GALNTL6: variants seen among roughly 807,000 people sequenced by gnomAD.
The protein encoded by GALNTL6 is polypeptide N-acetylgalactosaminyltransferase-like 6.
A neutral mutation model predicts 73.7 loss-of-function variants in GALNTL6; 46 were observed. That is an observed-to-expected ratio of 0.62 (90% CI 0.49 to 0.80). The LOEUF (loss-of-function observed/expected upper bound fraction) is 0.80. Ranked by LOEUF, GALNTL6 falls within the 30% of genes least tolerant of loss-of-function variation. The pLI is 0.00. For missense variants in GALNTL6, 604 were observed against 755.0 expected (o/e 0.80, Z 2.34); for synonymous variants, 259 against 263.7 (o/e 0.98, Z 0.17).
chr4:172,063,810 C>T (rs758717347), intron 2 of GALNTL6, among the ~76,000 whole-genome samples: 2 of 152,140 alleles, frequency 1.3e-5, no homozygotes, highest in Non-Finnish European at 2.9e-5. Context: ...TTTAACAAGA[C>T]ATTTTTTTAA....
At chr4:172,585,321 G>A (rs1017972279) in intron 5 of GALNTL6, among the ~76,000 whole-genome samples, 11 of 152,118 alleles carry the variant, frequency 7.2e-5, no homozygotes, top group African/African-American at 2.4e-4. Flanking sequence ...CATGTGCCAT[G>A]GTGGTTTGCT....
At chr4:172,155,509 A>G (rs1734227489) in intron 2 of GALNTL6, among the ~76,000 whole-genome samples, 1 of 152,252 alleles carries the variant, frequency 6.6e-6, no homozygotes, top group Non-Finnish European at 1.5e-5. Flanking sequence ...ATTTTGTTAT[A>G]GTAACTTGAA....
intron 5 of GALNTL6, among the ~76,000 whole-genome samples, chr4:172,513,750 C>T (rs1158993096): frequency 6.6e-6 from 1 of 152,160 alleles, no homozygotes; most frequent in African/African-American, 2.4e-5. Context: ...ACAAAGAGCC[C>T]CATGAGGTTA....
chr4:172,168,724 G>T (rs1343440543), intron 2 of GALNTL6, among the ~76,000 whole-genome samples: 1 of 152,040 alleles, frequency 6.6e-6, no homozygotes, highest in Admixed American at 6.6e-5. Context: ...GATGGTGACG[G>T]TCAAGAAGAT....
chr4:172,178,013 G>A (rs1735102508), intron 2 of GALNTL6, among the ~76,000 whole-genome samples: 1 of 151,626 alleles, frequency 6.6e-6, no homozygotes, highest in Non-Finnish European at 1.5e-5. Context: ...ATAACTTGAG[G>A]CTGATTTTTT....
At chr4:172,784,857 C>G (rs890084311) in intron 5 of GALNTL6, among the ~76,000 whole-genome samples, 45 of 152,130 alleles carry the variant, frequency 3.0e-4, no homozygotes, top group African/African-American at 1.0e-3. Flanking sequence ...ATGCTAGATG[C>G]TACCCCTATG....
At chr4:172,048,384 AT>A (rs112942986) in intron 2 of GALNTL6, among the ~76,000 whole-genome samples, 5 of 152,290 alleles carry the variant, frequency 3.3e-5, no homozygotes, top group African/African-American at 1.2e-4. Flanking sequence ...TTTGGGTTAA[AT>A]TTTTGATACT....
intron 2 of GALNTL6, among the ~76,000 whole-genome samples, chr4:171,929,827 A>C (rs184457827): frequency 1.3e-5 from 2 of 152,334 alleles, no homozygotes; most frequent in Admixed American, 1.3e-4. Flanking sequence ...ACCCAGGCCA[A>C]CAGCGAATCC....
At chr4:172,519,333 G>A (rs1297595766) in intron 5 of GALNTL6, among the ~76,000 whole-genome samples, 1 of 150,348 alleles carries the variant, frequency 6.7e-6, no homozygotes, top group Non-Finnish European at 1.5e-5. Context: ...TTCTATTAAA[G>A]CAAAAAAGCA....
At chr4:172,088,034 C>T (rs1171879811) in intron 2 of GALNTL6, among the ~76,000 whole-genome samples, 3 of 152,088 alleles carry the variant, frequency 2.0e-5, no homozygotes, top group Non-Finnish European at 4.4e-5. Flanking sequence ...ATGTTCACTT[C>T]AGAACAAAGT....
chr4:172,373,557 G>A (rs568704161), intron 5 of GALNTL6, among the ~76,000 whole-genome samples: 2 of 152,282 alleles, frequency 1.3e-5, no homozygotes, highest in East Asian at 3.9e-4. Flanking sequence ...CCTTTGATAA[G>A]GAAAAGAGGT....
In GALNTL6 at chr4:172,068,257, C is replaced by T. The variant is rs1344667243; in HGVS notation, c.139-161399C>T. ...CTATCCGCACCCTAGCTCAAGCTACCTCTACTACTTCGTCTTCTCTAATAG... is the reference window on the plus strand; with the variant it reads ...CTATCCGCACCCTAGCTCAAGCTACTTCTACTACTTCGTCTTCTCTAATAG... On this transcript the variant is annotated intron_variant, in intron 2 of 12. Transcript: ENST00000506823. Among the ~76,000 whole-genome samples the T allele has an allele frequency of 2.8e-5, 3 of 108,996 alleles. 1 individual carries two copies. The highest frequency in any genetic ancestry group is 6.1e-5 in the Non-Finnish European group (3 of 49,144). 71.5% of individuals were successfully genotyped at this position (108,996 alleles called of 152,430 possible).
chr4:172,360,866 A>G (rs1284023819), intron 5 of GALNTL6, among the ~76,000 whole-genome samples: 1 of 152,190 alleles, frequency 6.6e-6, no homozygotes, highest in Non-Finnish European at 1.5e-5. Context: ...GAAGATAGGA[A>G]GTCTAATGTG....
intron 2 of GALNTL6, among the ~76,000 whole-genome samples, chr4:171,884,010 T>C (rs1437279577): frequency 1.3e-5 from 2 of 152,226 alleles, no homozygotes; most frequent in Non-Finnish European, 2.9e-5. Flanking sequence ...TAAACATTTA[T>C]AAACCCATTT....
At chr4:171,921,461 G>T (rs1291793950) in intron 2 of GALNTL6, among the ~76,000 whole-genome samples, 2 of 152,172 alleles carry the variant, frequency 1.3e-5, no homozygotes, top group Admixed American at 1.3e-4. Flanking sequence ...TCTATACACA[G>T]TATGCATTAG....
At chr4:172,193,070 C>T (rs934830395) in intron 2 of GALNTL6, among the ~76,000 whole-genome samples, 3 of 152,228 alleles carry the variant, frequency 2.0e-5, no homozygotes, top group Admixed American at 6.5e-5. Flanking sequence ...TGCAGTTCAG[C>T]CAAATTAGTC....
intron 2 of GALNTL6, among the ~76,000 whole-genome samples, chr4:172,023,838 A>G (rs1376831375): frequency 6.6e-6 from 1 of 151,894 alleles, no homozygotes; most frequent in African/African-American, 2.4e-5. Flanking sequence ...ATTATAATAC[A>G]AATACATTTA....
At chr4:172,036,811 T>C (rs181981462) in intron 2 of GALNTL6, among the ~76,000 whole-genome samples, 2 of 152,260 alleles carry the variant, frequency 1.3e-5, no homozygotes, top group African/African-American at 4.8e-5. Context: ...TACACAAAGG[T>C]TATTCTTATT....
chr4:172,890,077 G>A lies in GALNTL6; in HGVS notation c.1041+7170G>A, dbSNP rs146589917. 5.2e-3 allele frequency among the ~76,000 whole-genome samples: 796 copies of A among 152,068 alleles called. 11 individuals carry two copies. The highest frequency in any genetic ancestry group is 0.018 in the African/African-American group (745 of 41,524). On this transcript the variant is annotated intron_variant, in intron 8 of 12. Transcript: ENST00000506823. ...TAACAGTCTCTAAGGTCTTTTTTAT[G>A]TCTGTGGAATCCATTGTAATGCCTT...
Sources: gnomAD v4.1 joint callset for allele counts (sites outside exome capture counted in the v4.1 genomes callset) on GRCh38, gnomAD v4.1.1 for gene constraint, MANE v1.5 for transcripts, NCBI Gene and HGNC (gene_info 2026-07-23, HGNC 2026-07-21) for gene names.